The following CLIC5 variants were observed in gnomAD, a reference collection of about 807,000 sequenced individuals.
The protein encoded by CLIC5 is chloride intracellular channel protein 5.
A neutral mutation model predicts 24.7 loss-of-function variants in CLIC5; 20 were observed. The observed-to-expected ratio is 0.81, with a 90% confidence interval of 0.57 to 1.18. The LOEUF is 1.18. Among genes scored for constraint, CLIC5 ranks in the 50% most tolerant of loss-of-function variants. The pLI is 0.00. For synonymous variants in CLIC5, 159 were observed against 135.6 expected, an observed-to-expected ratio of 1.17 and a Z score of -1.20; for missense variants, 341 against 326.1, an observed-to-expected ratio of 1.05 and a Z score of -0.35.
chr6:46,090,215 T>C, the CLIC5 span, among the ~76,000 whole-genome samples: 1 of 152,192 alleles, frequency 6.6e-6, no homozygotes, highest in Non-Finnish European at 1.5e-5. Context: ...AGGTAAAAAC[T>C]TGAAATATCC....
At chr6:45,889,146 A>T (rs1350280770) in intron 6 of CLIC5, among the ~76,000 whole-genome samples, 1 of 152,030 alleles carries the variant, frequency 6.6e-6, no homozygotes, top group Non-Finnish European at 1.5e-5. Context: ...ACAGAAATTT[A>T]TTTTTCACAG....
At chr6:45,932,297 C>T (rs188967327) in intron 4 of CLIC5, among the ~76,000 whole-genome samples, 91 of 152,056 alleles carry the variant, frequency 6.0e-4, no homozygotes, top group Non-Finnish European at 1.2e-3. Context: ...TTAGTAGAGA[C>T]GGGGTTTCAC....
intron 1 of CLIC5, among the ~76,000 whole-genome samples, chr6:46,006,185 C>T (rs1383233758): frequency 7.1e-6 from 1 of 141,342 alleles, no homozygotes; most frequent in Non-Finnish European, 1.5e-5. Flanking sequence ...TGCCCTATCG[C>T]CCAGCCTGGA....
At chr6:46,127,199 T>G in the CLIC5 span, among the ~76,000 whole-genome samples, 6 of 152,212 alleles carry the variant, frequency 3.9e-5, no homozygotes, top group East Asian at 7.7e-4. Context: ...GGGTATCCAT[T>G]ACCTCGAGTA....
At chr6:46,060,907 T>C (rs1762245111) in intron 1 of CLIC5, among the ~76,000 whole-genome samples, 1 of 152,208 alleles carries the variant, frequency 6.6e-6, no homozygotes, top group African/African-American at 2.4e-5. Context: ...TCCTTCTTCC[T>C]GAACCAACTG....
Position 45,920,698 on chromosome 6 carries a change from A to G in CLIC5, c.407-6289T>C. ...TTTCTTTCCACAGGCAGCTAGGACA[A>G]GAGGAAGAGACACTGAGAGAGATCA... is the stretch of plus-strand genomic sequence containing the variant. On this transcript the variant is annotated intron_variant, in intron 4 of 5. Coordinates refer to ENST00000339561, the MANE Select transcript of CLIC5 (RefSeq NM_016929.5). 6.2e-6 allele frequency: 6 copies of G among 974,842 alleles called. No homozygotes were observed. The South Asian group carries it at 2.4e-4, about 39-fold the overall frequency. The allele number at this position is 974,842 out of a possible 1,614,324, so 60.4% of individuals were successfully genotyped here. A position where few individuals can be genotyped will look rare whatever the true frequency, so the allele number is the denominator to read the frequency against.
chr6:46,066,215 G>A (rs998021086), intron 1 of CLIC5, among the ~76,000 whole-genome samples: 1 of 152,068 alleles, frequency 6.6e-6, no homozygotes, highest in Non-Finnish European at 1.5e-5. Context: ...GGGGCAGGGG[G>A]CAATGTCAGC....
At chr6:45,918,980 A>T in intron 4 of CLIC5, 1 of 985,410 alleles carries the variant, frequency 1.0e-6, no homozygotes, top group Non-Finnish European at 1.2e-6. Flanking sequence ...CTGGTCCTTA[A>T]ACCATTCAAA....
At chr6:46,105,682 C>G in the CLIC5 span, among the ~76,000 whole-genome samples, 1 of 152,196 alleles carries the variant, frequency 6.6e-6, no homozygotes, top group Non-Finnish European at 1.5e-5. Flanking sequence ...TCAGGAGTCA[C>G]AGGCAGGTTC....
chr6:45,969,480 CAGACTAGGGCAGTTG>C (rs879215829), intron 1 of CLIC5, among the ~76,000 whole-genome samples: 2 of 127,456 alleles, frequency 1.6e-5, no homozygotes, highest in Admixed American at 1.9e-4. Context: ...CCAACTCCTT[CAGACTAGGGCAGTTG>C]AGATCCAAAG....
intron 4 of CLIC5, among the ~76,000 whole-genome samples, chr6:45,924,098 A>C (rs543219363): frequency 2.9e-4 from 44 of 152,368 alleles, no homozygotes; most frequent in Admixed American, 3.3e-4. Context: ...AAAGCATACA[A>C]AAAAAGCAAC....
intron 1 of CLIC5, among the ~76,000 whole-genome samples, chr6:45,995,688 C>T (rs996877365): frequency 1.3e-5 from 2 of 151,998 alleles, no homozygotes; most frequent in African/African-American, 4.8e-5. Context: ...CTATAAGATT[C>T]AAAAGAAAAT....
chr6:45,956,108 G>C (rs1428276848), intron 1 of CLIC5, among the ~76,000 whole-genome samples: 3 of 152,116 alleles, frequency 2.0e-5, no homozygotes, highest in Non-Finnish European at 4.4e-5. Context: ...CAAAACAGTA[G>C]GCTTTTTTAG....
chr6:45,956,185 A>G (rs900490303), intron 1 of CLIC5, among the ~76,000 whole-genome samples: 12 of 152,218 alleles, frequency 7.9e-5, no homozygotes, highest in African/African-American at 2.7e-4. Context: ...TTTCATAAAG[A>G]ATTAATTTCA....
chr6:45,979,947 G>C (rs987757064), intron 1 of CLIC5, among the ~76,000 whole-genome samples: 1 of 97,074 alleles, frequency 1.0e-5, no homozygotes, highest in East Asian at 3.8e-4. Context: ...TGGAGACTTA[G>C]TCACTTTTTT....
At chr6:45,979,443 G>T (rs1013853142) in intron 1 of CLIC5, among the ~76,000 whole-genome samples, 1 of 152,194 alleles carries the variant, frequency 6.6e-6, no homozygotes. Context: ...AAGCAGCTTT[G>T]AATTAAGAGC....
chr6:45,908,390 C>G (rs910827021), intron 5 of CLIC5, among the ~76,000 whole-genome samples: 3 of 152,114 alleles, frequency 2.0e-5, no homozygotes, highest in Non-Finnish European at 2.9e-5. Flanking sequence ...ATCTTTCTAA[C>G]TTTTTGAGGT....
At chr6:46,071,198 G>A (rs972431323) in intron 1 of CLIC5, among the ~76,000 whole-genome samples, 9 of 151,970 alleles carry the variant, frequency 5.9e-5, no homozygotes, top group African/African-American at 2.2e-4. Context: ...GCCAAAATCA[G>A]TTGAAACAAA....
chr6:46,006,105 TATATATACACATGTATAAATAC>T (rs60943772), intron 1 of CLIC5, among the ~76,000 whole-genome samples: 344 of 31,670 alleles, frequency 0.011, 5 homozygotes, highest in East Asian at 0.028. Flanking sequence ...TATATATATA[TATATATACACATGTATAAATAC>T]ATATATATAT....
Sources: allele counts gnomAD v4.1 joint callset (sites outside exome capture counted in the v4.1 genomes callset), GRCh38; gene constraint gnomAD v4.1.1; transcripts MANE v1.5; gene names NCBI Gene and HGNC (gene_info 2026-07-23, HGNC 2026-07-21).